The following SPMIP2 variants were observed in gnomAD, a reference collection of about 807,000 sequenced individuals.
SPMIP2 encodes the protein sperm microtubule inner protein 2.
the SPMIP2 span, among the ~76,000 whole-genome samples, chr4:159,039,167 G>A: frequency 6.6e-6 from 1 of 152,046 alleles, no homozygotes; most frequent in Non-Finnish European, 1.5e-5. Flanking sequence ...TGGAACTCCT[G>A]GGCTCAAGCA....
chr4:159,074,477 A>G, the SPMIP2 span, among the ~76,000 whole-genome samples: 27 of 152,190 alleles, frequency 1.8e-4, no homozygotes, highest in African/African-American at 6.0e-4. Context: ...CCAAGGTTAC[A>G]TTTATCAGTT....
chr4:158,899,652 T>C, the SPMIP2 span, among the ~76,000 whole-genome samples: 1 of 152,262 alleles, frequency 6.6e-6, no homozygotes, highest in South Asian at 2.1e-4. Context: ...GTGTTTATAG[T>C]ATTCTCTGAT....
At chr4:158,960,154 G>T in the SPMIP2 span, 1 of 592,302 alleles carries the variant, frequency 1.7e-6, no homozygotes, top group Non-Finnish European at 2.9e-6. Flanking sequence ...ATAAAAATTC[G>T]TAAATTTATC....
the SPMIP2 span, among the ~76,000 whole-genome samples, chr4:158,929,174 G>A: frequency 1.5e-4 from 23 of 152,130 alleles, no homozygotes; most frequent in Middle Eastern, 3.2e-3. Flanking sequence ...GTCATCATGC[G>A]TGGTTACTTA....
At chr4:159,006,995 A>C in the SPMIP2 span, 1 of 392,284 alleles carries the variant, frequency 2.5e-6, no homozygotes, top group Admixed American at 3.3e-5. Flanking sequence ...CTAGAATGCC[A>C]GTGTTGTTCT....
At chr4:159,057,499 C>T in the SPMIP2 span, among the ~76,000 whole-genome samples, 16 of 152,150 alleles carry the variant, frequency 1.1e-4, no homozygotes, top group Admixed American at 1.0e-3. Context: ...TGCTAGAGCA[C>T]TCATGCATGG....
At chr4:158,942,787 GAAAC>G in the SPMIP2 span, among the ~76,000 whole-genome samples, 1 of 151,888 alleles carries the variant, frequency 6.6e-6, no homozygotes, top group African/African-American at 2.4e-5. Context: ...AAAAAACAAA[GAAAC>G]AAAACAAAAC....
chr4:159,034,890 CA>C, the SPMIP2 span: 10,865 of 490,398 alleles, frequency 0.022, no homozygotes, highest in South Asian at 0.033. Flanking sequence ...GACTCTGTCT[CA>C]AAAAAAAAAA....
chr4:159,074,173 A>G, the SPMIP2 span, among the ~76,000 whole-genome samples: 1 of 152,170 alleles, frequency 6.6e-6, no homozygotes, highest in Non-Finnish European at 1.5e-5. Flanking sequence ...TTACAAACAT[A>G]TCAATTTATA....
chr4:158,989,829 T>A, the SPMIP2 span, among the ~76,000 whole-genome samples: 184 of 152,244 alleles, frequency 1.2e-3, 1 homozygote, highest in African/African-American at 3.9e-3. Context: ...GGGCAAAGAC[T>A]TCATGACTAA....
chr4:158,955,246 C>A, the SPMIP2 span, among the ~76,000 whole-genome samples: 3 of 152,304 alleles, frequency 2.0e-5, no homozygotes, highest in African/African-American at 7.2e-5. Flanking sequence ...TCTGTTACAT[C>A]TATCTGCCTT....
At chr4:158,915,602 G>A in the SPMIP2 span, among the ~76,000 whole-genome samples, 1 of 152,190 alleles carries the variant, frequency 6.6e-6, no homozygotes, top group Non-Finnish European at 1.5e-5. Context: ...GAAGCTTGTT[G>A]ACGAATGCAC....
the SPMIP2 span, among the ~76,000 whole-genome samples, chr4:159,023,557 A>G: frequency 6.6e-6 from 1 of 152,330 alleles, no homozygotes; most frequent in Admixed American, 6.5e-5. Context: ...ATTTGGAGAT[A>G]ATCTGGCTTA....
At chr4:159,061,459 G>T in the SPMIP2 span, among the ~76,000 whole-genome samples, 2 of 151,916 alleles carry the variant, frequency 1.3e-5, no homozygotes, top group Non-Finnish European at 2.9e-5. Context: ...TGGCATGGGC[G>T]CCTCCATTTA....
the SPMIP2 span, among the ~76,000 whole-genome samples, chr4:158,918,563 C>T: frequency 6.6e-6 from 1 of 152,130 alleles, no homozygotes; most frequent in African/African-American, 2.4e-5. Flanking sequence ...AAAGAAAAAT[C>T]CTTGGCCGTC....
At chr4:158,960,220 T>G in the SPMIP2 span, 1 of 966,436 alleles carries the variant, frequency 1.0e-6, no homozygotes, top group Non-Finnish European at 1.6e-6. Context: ...TTTACAAAAA[T>G]GAATCCTGTT....
chr4:159,082,471 G>A, the SPMIP2 span, among the ~76,000 whole-genome samples: 37 of 149,504 alleles, frequency 2.5e-4, no homozygotes, highest in African/African-American at 4.8e-4. Flanking sequence ...GTGTGTGTGT[G>A]TGTGTGTGTG....
the SPMIP2 span, among the ~76,000 whole-genome samples, chr4:158,987,492 T>A: frequency 6.6e-6 from 1 of 152,118 alleles, no homozygotes; most frequent in African/African-American, 2.4e-5. Flanking sequence ...GGGACATGGA[T>A]GAAATTGGAA....
chr4:159,080,878 C>A, the SPMIP2 span, among the ~76,000 whole-genome samples: 1 of 151,576 alleles, frequency 6.6e-6, no homozygotes. Flanking sequence ...CGCCCACCAC[C>A]ATGCCCGGCT....
Sources: gnomAD v4.1 joint callset for allele counts (sites outside exome capture counted in the v4.1 genomes callset) on GRCh38, gnomAD v4.1.1 for gene constraint, MANE v1.5 for transcripts, NCBI Gene and HGNC (gene_info 2026-07-23, HGNC 2026-07-21) for gene names.